Variants in ABCC9 observed in about 807,000 individuals in gnomAD.
ABCC9 encodes ATP-binding cassette sub-family C member 9.
In ABCC9, 95 loss-of-function variants were observed where a neutral mutation model predicts 188.3. That is an observed-to-expected ratio of 0.50 (90% CI 0.43 to 0.60). The LOEUF (loss-of-function observed/expected upper bound fraction) is 0.60, where lower values mean the gene tolerates loss of function less well. Ranked by LOEUF, ABCC9 falls within the 20% of genes least tolerant of loss-of-function variation. The pLI, the probability that ABCC9 is intolerant of heterozygous loss-of-function variation, is 0.00. For missense variants in ABCC9, 1,102 were observed against 1,876.3 expected (o/e 0.59, Z 7.62); for synonymous variants, 659 against 652.7 (o/e 1.01, Z -0.15).
chr12:21,824,764 C>G (rs1194286985), intron 31 of ABCC9, among the ~76,000 whole-genome samples: 1 of 152,078 alleles, frequency 6.6e-6, no homozygotes, highest in Non-Finnish European at 1.5e-5. Context: ...TCTAGATTTT[C>G]TAGTTTATTT....
intron 30 of ABCC9, among the ~76,000 whole-genome samples, chr12:21,834,926 T>C (rs1004956453): frequency 1.3e-5 from 2 of 151,894 alleles, no homozygotes; most frequent in Non-Finnish European, 2.9e-5. Flanking sequence ...CTTGCTAAAC[T>C]AGCAGTCACA....
At chr12:21,885,809 C>A (rs911390727) in intron 15 of ABCC9, among the ~76,000 whole-genome samples, 2 of 152,208 alleles carry the variant, frequency 1.3e-5, no homozygotes, top group African/African-American at 2.4e-5. Flanking sequence ...ACAAACACCT[C>A]CAGAACAACA....
At position 21,933,897 on chromosome 12, in the gene ABCC9, G is replaced by A. The variant is rs727502876; in HGVS notation, c.169C>T (p.Gln57Ter). 1 of 1,613,488 alleles carries A rather than the reference G, an allele frequency of 6.2e-7. No individual in the cohort carries two copies. ...TGAAGCCATGTGTTGTGGTGAATTT[G>A]TACTTTTGAGCTTTGGCTCCCCCAC... ...IGWGSQSSKV[Q>*]IHHNTWLHFP... is the part of the protein sequence containing the mutation. Residue 57 changes from glutamine to a stop codon, truncating the protein, a stop_gained, in exon 4 of 40, where the codon CAA becomes TAA. Transcript: ENST00000261200. LOFTEE classifies it high-confidence loss of function.
intron 5 of ABCC9, chr12:21,923,299 G>A (rs1358807501): frequency 4.6e-5 from 7 of 150,692 alleles, no homozygotes; most frequent in Non-Finnish European, 7.4e-5. Context: ...ATACTACATC[G>A]AAATTTAAAA....
intron 15 of ABCC9, among the ~76,000 whole-genome samples, chr12:21,883,495 G>A (rs1195800367): frequency 2.6e-5 from 4 of 152,290 alleles, no homozygotes; most frequent in African/African-American, 9.6e-5. Flanking sequence ...ATGTGGAACT[G>A]TGAGTCCATT....
intron 5 of ABCC9, among the ~76,000 whole-genome samples, chr12:21,920,738 G>T (rs979047268): frequency 7.2e-5 from 11 of 151,780 alleles, no homozygotes; most frequent in African/African-American, 2.7e-4. Context: ...CCAGCCTCTG[G>T]TATCCATCAT....
intron 16 of ABCC9, among the ~76,000 whole-genome samples, chr12:21,875,996 G>A (rs922008063): frequency 6.6e-6 from 1 of 152,074 alleles, no homozygotes; most frequent in African/African-American, 2.4e-5. Flanking sequence ...AGGCTGCAGT[G>A]AGCCGAGATC....
At position 21,894,123 on chromosome 12, in the gene ABCC9, C is replaced by A; in HGVS notation, c.1711G>T (p.Ala571Ser). 6.2e-7 allele frequency: 1 copy of A among 1,613,982 alleles called. No individual in the cohort carries two copies. The highest frequency in any genetic ancestry group is 2.2e-5 in the East Asian group (1 of 44,866). ...ASGNNLKPAE[A>S]FASLSLFHIL... is the part of the protein sequence containing the mutation. ...TGGAAGAGAGACAGTGAAGCAAAGG[C>A]CTCTGCAGGTTTCAGATTGTTTCCA... is the stretch of plus-strand genomic sequence containing the variant. The change falls in exon 14 of 40, where the codon GCC (alanine) becomes TCC (serine). Residue 571 changes from alanine (A) to serine (S), a missense_variant. Ala to Ser is a moderately conservative substitution (Grantham distance 99). Around this residue, in one of 12 missense-constraint regions of ABCC9, gnomAD observed 258 missense variants for 325.6 expected, o/e 0.79. Transcript: ENST00000261200.
At chr12:21,889,774 A>G (rs551144375) in intron 14 of ABCC9, among the ~76,000 whole-genome samples, 5 of 152,168 alleles carry the variant, frequency 3.3e-5, no homozygotes, top group Non-Finnish European at 7.3e-5. Flanking sequence ...CCTGACCTTG[A>G]TTGAGAATGG....
chr12:21,875,834 C>T, intron 16 of ABCC9, 108 bp from the exon 17 acceptor site: 1 of 860,268 alleles, frequency 1.2e-6, no homozygotes, highest in Non-Finnish European at 1.8e-6. Context: ...CCTGTAATCA[C>T]AGCACTTTGG....
Position 21,826,258 on chromosome 12 carries a change from A to G in ABCC9, c.3669+2700T>C, listed in dbSNP as rs74070309. Among the ~76,000 whole-genome samples, 259 of 151,986 alleles carry G rather than the reference A, an allele frequency of 1.7e-3. 1 individual carries two copies. Among genetic ancestry groups the G allele is most frequent in the African/African-American group, 5.9e-3 (245 of 41,456 alleles). On this transcript the variant is annotated intron_variant, in intron 31 of 39. Coordinates refer to ENST00000261200, the MANE Select transcript of ABCC9 (RefSeq NM_020297.4). ...TGTACTGGGCCAATTAGAAATTTTC[A>G]TTACTTTAAAAAAAAAAAGACTTAC...
Position 21,844,933 on chromosome 12 carries a change from CA to C in ABCC9, c.3097-19del, listed in dbSNP as rs754506930. 2 of 1,613,050 alleles carry C rather than the reference CA, an allele frequency of 1.2e-6. No individual in the cohort carries two copies. Among genetic ancestry groups the C allele is most frequent in the Non-Finnish European group, 1.7e-6 (2 of 1,179,428 alleles). Reference sequence around the variant, plus strand: ...TAGTAGGTCTAAAAAGCAACCAACACAAAAAGCACATAGGAAATTATCAATG... The same window carrying C: ...TAGTAGGTCTAAAAAGCAACCAACACAAAAGCACATAGGAAATTATCAATG... On this transcript the variant is annotated intron_variant, in intron 26 of 39. Coordinates refer to ENST00000261200, the MANE Select transcript of ABCC9 (RefSeq NM_020297.4).
At position 21,894,138 on chromosome 12, in the gene ABCC9, G is replaced by A. The variant is rs1421878852; in HGVS notation, c.1696C>T (p.Leu566=). The part of the protein sequence containing the change: ...VTHAYASGNN[L]KPAEAFASLS... ...GAAGCAAAGGCCTCTGCAGGTTTCAGATTGTTTCCACTGGCATACGCATGG... is the reference window on the plus strand; with the variant it reads ...GAAGCAAAGGCCTCTGCAGGTTTCAAATTGTTTCCACTGGCATACGCATGG... Residue 566 remains leucine (L), a synonymous_variant, in exon 14 of 40, where the codon CTG becomes TTG. Coordinates refer to ENST00000261200, the MANE Select transcript of ABCC9 (RefSeq NM_020297.4). 1 of 1,613,954 alleles carries A rather than the reference G, an allele frequency of 6.2e-7. No homozygotes were observed. The highest frequency in any genetic ancestry group is 2.2e-5 in the East Asian group (1 of 44,888).
At chr12:21,899,094 T>C (rs1947581190) in intron 12 of ABCC9, among the ~76,000 whole-genome samples, 2 of 152,198 alleles carry the variant, frequency 1.3e-5, no homozygotes, top group Non-Finnish European at 2.9e-5. Context: ...CCAGTACTCA[T>C]TTAGTTTTAC....
rs775755971 is a variant in ABCC9, at chr12:21,844,470, C to G, written c.3315+13G>C. On this transcript the variant is annotated intron_variant, in intron 28 of 39. Transcript: ENST00000261200. ...AACTAATTTTTGAACTTGGAAGTAA[C>G]CCAGTTACTCACCTGATCAATGATA... The G allele has an allele frequency of 1.5e-5, 24 of 1,608,816 alleles. No individual in the cohort carries two copies. Among genetic ancestry groups the G allele is most frequent in the Non-Finnish European group, 2.0e-5 (24 of 1,175,442 alleles).
chr12:21,866,250 T>C (rs1945772112), intron 18 of ABCC9, among the ~76,000 whole-genome samples: 1 of 152,060 alleles, frequency 6.6e-6, no homozygotes, highest in Admixed American at 6.6e-5. Context: ...GAGCTTGAAC[T>C]TTTCCTAAAA....
chr12:21,818,290 C>G (rs1351918173), intron 31 of ABCC9, 39 bp from the exon 32 acceptor site: 1 of 1,549,198 alleles, frequency 6.5e-7, no homozygotes, highest in East Asian at 2.2e-5. Flanking sequence ...AGGTTACTCC[C>G]AAGTTCTTAA....
At chr12:21,841,602 C>T (rs1386805093) in intron 29 of ABCC9, among the ~76,000 whole-genome samples, 1 of 151,950 alleles carries the variant, frequency 6.6e-6, no homozygotes, top group Non-Finnish European at 1.5e-5. Flanking sequence ...CACGATCCGC[C>T]CGCCTCAGAC....
intron 15 of ABCC9, among the ~76,000 whole-genome samples, chr12:21,884,891 A>G (rs1361531955): frequency 6.6e-6 from 1 of 152,194 alleles, no homozygotes; most frequent in Non-Finnish European, 1.5e-5. Context: ...GTAGAAAGCC[A>G]CTATCCTTTA....
Sources: allele counts gnomAD v4.1 joint callset (sites outside exome capture counted in the v4.1 genomes callset), GRCh38; gene constraint gnomAD v4.1.1; regional missense constraint gnomAD v4.1.1; transcripts MANE v1.5; gene names NCBI Gene and HGNC (gene_info 2026-07-23, HGNC 2026-07-21).